Variants in DAB1 observed in about 807,000 individuals in gnomAD.
DAB1 encodes DAB adaptor protein 1, also known as disabled homolog 1.
Under a neutral mutation model 64.6 loss-of-function variants are expected in DAB1, and 15 were observed. That is an observed-to-expected ratio of 0.23 (90% CI 0.16 to 0.36). DAB1 has a LOEUF of 0.36. Among genes scored for constraint, DAB1 ranks in the 10% least tolerant of loss-of-function variants. The pLI, the probability that DAB1 is intolerant of heterozygous loss-of-function variation, is 1.00. For synonymous variants in DAB1, 235 were observed against 251.9 expected (o/e 0.93, Z 0.64); for missense variants, 596 against 706.7 (o/e 0.84, Z 1.78).
intron 1 of DAB1, among the ~76,000 whole-genome samples, chr1:57,421,716 T>C (rs1303546781): frequency 6.6e-6 from 1 of 152,016 alleles, no homozygotes; most frequent in Non-Finnish European, 1.5e-5. Flanking sequence ...CAATATTCCA[T>C]TTGAATGCTG....
chr1:57,808,843 G>A (rs1357616483), intron 6 of DAB1, among the ~76,000 whole-genome samples: 2 of 152,096 alleles, frequency 1.3e-5, no homozygotes, highest in Admixed American at 6.5e-5. Context: ...ACATGAGCAG[G>A]TTTTCATGTC....
chr1:57,416,437 C>T (rs1684502161), intron 1 of DAB1, among the ~76,000 whole-genome samples: 1 of 152,106 alleles, frequency 6.6e-6, no homozygotes, highest in Non-Finnish European at 1.5e-5. Context: ...TTAAAATTTC[C>T]TCTTTGGATG....
At chr1:58,016,581 C>T (rs1488474899) in intron 5 of DAB1, among the ~76,000 whole-genome samples, 1 of 152,088 alleles carries the variant, frequency 6.6e-6, no homozygotes, top group Admixed American at 6.6e-5. Flanking sequence ...TTTCCCATAC[C>T]TATCCCTAGG....
chr1:57,826,359 A>G (rs77295962), exon 2 of DAB1: 4 of 152,352 alleles, frequency 2.6e-5, no homozygotes, highest in Non-Finnish European at 4.4e-5. Flanking sequence ...TAGAAGAGGA[A>G]TAAACAGGAC....
intron 4 of DAB1, among the ~76,000 whole-genome samples, chr1:58,159,987 A>AGAAG (rs1192150083): frequency 6.6e-6 from 1 of 152,236 alleles, no homozygotes; most frequent in East Asian, 1.9e-4. Context: ...AGGAAATAAA[A>AGAAG]GAAGATACCT....
chr1:57,111,041 G>T (rs920784474), intron 4 of DAB1, among the ~76,000 whole-genome samples: 3 of 152,072 alleles, frequency 2.0e-5, no homozygotes, highest in African/African-American at 7.2e-5. Context: ...AAAGAGTGCA[G>T]ATAAAGGGAG....
At chr1:58,288,035 A>AAAG (rs1661730673) in intron 4 of DAB1, among the ~76,000 whole-genome samples, 1 of 146,924 alleles carries the variant, frequency 6.8e-6, no homozygotes, top group Admixed American at 6.9e-5. Context: ...AAAAAAAAAA[A>AAAG]AAAAAAAAAA....
chr1:58,518,971 C>G (rs72672226), intron 2 of DAB1, among the ~76,000 whole-genome samples: 7,349 of 152,274 alleles, frequency 0.048, 223 homozygotes, highest in African/African-American at 0.063. Flanking sequence ...AGCTAGTACT[C>G]TCTCTGGGAA....
intron 5 of DAB1, among the ~76,000 whole-genome samples, chr1:58,100,219 T>G (rs1275892625): frequency 6.6e-6 from 1 of 152,218 alleles, no homozygotes; most frequent in African/African-American, 2.4e-5. Context: ...AAACAGGAAC[T>G]CTGTACTTAT....
At chr1:57,564,683 G>A (rs1645095680) in intron 7 of DAB1, among the ~76,000 whole-genome samples, 1 of 152,202 alleles carries the variant, frequency 6.6e-6, no homozygotes, top group Admixed American at 6.5e-5. Flanking sequence ...AAGGGTATCA[G>A]TGATTGAAGA....
chr1:58,077,062 A>G (rs933670247), intron 5 of DAB1, among the ~76,000 whole-genome samples: 1 of 152,176 alleles, frequency 6.6e-6, no homozygotes, highest in African/African-American at 2.4e-5. Flanking sequence ...ATTGTTGCTG[A>G]GTTCTGGTGG....
rs138056401 is a variant in DAB1, at chr1:58,372,894, C to T, written n.258-29491G>A. 9.0e-3 allele frequency among the ~76,000 whole-genome samples: 1,374 copies of T among 152,130 alleles called. 6 individuals are homozygous for T. The highest frequency in any genetic ancestry group is 0.034 in the Middle Eastern group (10 of 294). ...AACTCCCCACCCCTGTAGAACTGTGCGTCAATTAAACCTCTTTTCTTTATA... is the reference window on the plus strand; with the variant it reads ...AACTCCCCACCCCTGTAGAACTGTGTGTCAATTAAACCTCTTTTCTTTATA... On this transcript the variant is annotated intron_variant and non_coding_transcript_variant, in intron 3 of 20. Transcript: ENST00000485760.
chr1:57,814,861 G>A (rs1340041795), intron 6 of DAB1, among the ~76,000 whole-genome samples: 1 of 152,048 alleles, frequency 6.6e-6, no homozygotes, highest in Non-Finnish European at 1.5e-5. Flanking sequence ...TGAGCAAATC[G>A]CTTAGTGCCC....
chr1:57,895,957 C>G (rs910295505), intron 5 of DAB1, among the ~76,000 whole-genome samples: 4 of 152,058 alleles, frequency 2.6e-5, no homozygotes, highest in African/African-American at 9.7e-5. Flanking sequence ...ATGCATGTGG[C>G]TCTACCAACT....
intron 1 of DAB1, chr1:57,874,487 G>A (rs1644009872): frequency 6.6e-6 from 1 of 152,198 alleles, no homozygotes; most frequent in African/African-American, 2.4e-5. Flanking sequence ...GAAGGGCAGT[G>A]CCTGTCCTCA....
chr1:57,193,372 G>A (rs1342707478), intron 2 of DAB1, among the ~76,000 whole-genome samples: 1 of 127,816 alleles, frequency 7.8e-6, no homozygotes, highest in Admixed American at 8.7e-5. Flanking sequence ...AGATTCATCC[G>A]TAGCATATGT....
chr1:58,056,522 T>G (rs780554659), intron 5 of DAB1: 4 of 1,023,738 alleles, frequency 3.9e-6, no homozygotes, highest in South Asian at 3.8e-5. Context: ...GCATTCTTAA[T>G]GTTGGGTTAT....
At chr1:57,655,184 CATCA>C (rs1646301935) in intron 6 of DAB1, among the ~76,000 whole-genome samples, 1 of 152,092 alleles carries the variant, frequency 6.6e-6, no homozygotes, top group Admixed American at 6.6e-5. Context: ...TCCATCCATC[CATCA>C]ATCAACTATC....
intron 7 of DAB1, among the ~76,000 whole-genome samples, chr1:57,554,854 AAT>A (rs1473785021): frequency 6.6e-6 from 1 of 152,098 alleles, no homozygotes; most frequent in African/African-American, 2.4e-5. Flanking sequence ...AAAAATGGAA[AAT>A]ATTACAATGT....
Sources: gnomAD v4.1 joint callset for allele counts (sites outside exome capture counted in the v4.1 genomes callset) on GRCh38, gnomAD v4.1.1 for gene constraint, MANE v1.5 for transcripts, NCBI Gene and HGNC (gene_info 2026-07-23, HGNC 2026-07-21) for gene names.